The following RYR2 variants were observed in gnomAD, a reference collection of about 807,000 sequenced individuals.
RYR2 encodes cardiac muscle ryanodine receptor-calcium release channel.
RYR2 carries 227 observed loss-of-function variants against 601.1 expected under a neutral mutation model. The ratio of observed to expected loss-of-function variants is 0.38; its 90% CI spans 0.34 to 0.42. RYR2 has a LOEUF of 0.42. RYR2 is among the 10% of genes least tolerant of loss of function. The probability of loss-of-function intolerance (pLI) is 1.00; values close to 1 mark genes in which losing one functional copy is unlikely to be tolerated. For synonymous variants in RYR2, 2,223 were observed against 2,175.1 expected, an observed-to-expected ratio of 1.02 and a Z score of -0.61; for missense variants, 4,646 against 6,156.5, an observed-to-expected ratio of 0.75 and a Z score of 8.21.
chr1:237,421,215 G>T (rs550320809), intron 11 of RYR2, among the ~76,000 whole-genome samples: 1 of 152,086 alleles, frequency 6.6e-6, no homozygotes, highest in African/African-American at 2.4e-5. Flanking sequence ...CTCCAGCCTG[G>T]GTGACAGAGC....
intron 2 of RYR2, among the ~76,000 whole-genome samples, chr1:237,328,529 G>A (rs1255950148): frequency 6.6e-6 from 1 of 152,048 alleles, no homozygotes; most frequent in Non-Finnish European, 1.5e-5. Context: ...GAGCAGGAAT[G>A]GAAAGTGATT....
chr1:237,589,858 A>G lies in RYR2; in HGVS notation c.3664A>G (p.Ser1222Gly). 6.2e-7 allele frequency: 1 copy of G among 1,613,882 alleles called. No homozygotes were observed. Among genetic ancestry groups the G allele is most frequent in the Non-Finnish European group, 8.5e-7 (1 of 1,179,876 alleles). Residue 1222 changes from serine (S) to glycine (G), a missense_variant, in exon 30 of 105, where the codon AGC becomes GGC. Ser to Gly is a moderately conservative substitution (Grantham distance 56). This residue lies in a region of RYR2 where 1,807 missense variants were observed against 2,088.1 expected (regional missense o/e 0.87). Transcript: ENST00000366574. ...TAGGATGAACTTTGGAAAGGATGTC[A>G]GCACCTTGAAATATTTCACCATCTG... ...VGRMNFGKDV[S>G]TLKYFTICGL...
chr1:237,045,051 T>C (rs1660406902), intron 1 of RYR2, among the ~76,000 whole-genome samples: 1 of 151,930 alleles, frequency 6.6e-6, no homozygotes. Flanking sequence ...TTGATAGTGA[T>C]GGATGAAGCT....
At chr1:237,742,215 C>T (rs1691668571) in intron 79 of RYR2, 81 bp from the exon 80 acceptor site, 1 of 870,886 alleles carries the variant, frequency 1.1e-6, no homozygotes, top group Non-Finnish European at 1.8e-6. Context: ...ATGATTTGCT[C>T]TTCTATGTCT....
At chr1:237,593,689 A>G in intron 33 of RYR2, 53 bp downstream of exon 33, 2 of 1,556,118 alleles carry the variant, frequency 1.3e-6, no homozygotes, top group Admixed American at 1.7e-5. Flanking sequence ...AATATTGGTG[A>G]ACCTAGCTAT....
chr1:237,351,854 C>CAAAAA lies in RYR2; in HGVS notation c.274-4091_274-4087dup, dbSNP rs33955032. Reference sequence around the variant, plus strand: ...ATCCTAAACTATGACAAAGACCATGCAAAAAAAAAAAAAAAAAAAAAAAAG... The same window carrying CAAAAA: ...ATCCTAAACTATGACAAAGACCATGCAAAAAAAAAAAAAAAAAAAAAAAAAAAAAG... On this transcript the variant is annotated intron_variant, in intron 3 of 104. Transcript: ENST00000366574. Among the ~76,000 whole-genome samples, 268 of 39,480 alleles carry CAAAAA rather than the reference C, an allele frequency of 6.8e-3. 1 individual carries two copies. Among genetic ancestry groups the CAAAAA allele is most frequent in the South Asian group, 0.011 (7 of 612 alleles). 25.9% of individuals were successfully genotyped at this position (39,480 alleles called of 152,430 possible).
chr1:237,088,137 C>T (rs1211669962), intron 1 of RYR2, among the ~76,000 whole-genome samples: 1 of 152,086 alleles, frequency 6.6e-6, no homozygotes, highest in Non-Finnish European at 1.5e-5. Flanking sequence ...CATGATACTC[C>T]TTGACTGTAC....
rs1558107315 is a variant in RYR2, at chr1:237,634,944, G to A, written c.6744G>A (p.Met2248Ile). Residue 2248 changes from methionine to isoleucine, a missense_variant, in exon 44 of 105, where the codon ATG becomes ATA. Transcript: ENST00000366574. ...TGGATGTGGCTGCAGCTTCGGTGAT[G>A]GATAATAATGAACTAGCATTAGCTC... ...TPLDVAAASV[M>I]DNNELALALR... 1 of 1,609,164 alleles carries A rather than the reference G, an allele frequency of 6.2e-7. No homozygotes were observed. The highest frequency in any genetic ancestry group is 1.1e-5 in the South Asian group (1 of 89,518).
chr1:237,053,288 T>A (rs1661516196), intron 1 of RYR2, among the ~76,000 whole-genome samples: 2 of 152,158 alleles, frequency 1.3e-5, no homozygotes. Context: ...CGACGAAACG[T>A]CAGGAGAACA....
chr1:237,536,043 A>G (rs757174308), intron 25 of RYR2, among the ~76,000 whole-genome samples: 1 of 152,196 alleles, frequency 6.6e-6, no homozygotes, highest in African/African-American at 2.4e-5. Context: ...GATGTATTCA[A>G]TAAGGCCAGT....
intron 1 of RYR2, among the ~76,000 whole-genome samples, chr1:237,189,808 G>A (rs567881477): frequency 2.4e-4 from 37 of 152,032 alleles, no homozygotes; most frequent in Non-Finnish European, 5.0e-4. Flanking sequence ...CGTAAAAATG[G>A]GATTGCTAGA....
At chr1:237,438,520 A>C (rs1707609684) in intron 12 of RYR2, among the ~76,000 whole-genome samples, 1 of 152,184 alleles carries the variant, frequency 6.6e-6, no homozygotes. Context: ...GGAGTTGCTT[A>C]TATTTTTACT....
chr1:237,237,896 C>CCCTTTCCTTTTT (rs1206192821), intron 1 of RYR2, among the ~76,000 whole-genome samples: 15 of 150,772 alleles, frequency 9.9e-5, no homozygotes, highest in Admixed American at 9.9e-4. Flanking sequence ...CTCTCCCCTC[C>CCCTTTCCTTTTT]CCTTTCCTTT....
chr1:237,807,544 G>A (rs908163146), intron 99 of RYR2, among the ~76,000 whole-genome samples: 8 of 152,110 alleles, frequency 5.3e-5, no homozygotes, highest in Admixed American at 1.3e-4. Context: ...TAGAGATGGG[G>A]TTTCACCATG....
At chr1:237,073,225 G>C (rs1007349115) in intron 1 of RYR2, among the ~76,000 whole-genome samples, 1 of 152,184 alleles carries the variant, frequency 6.6e-6, no homozygotes, top group Non-Finnish European at 1.5e-5. Flanking sequence ...GGTGGGTGTT[G>C]AGAATACAGA....
chr1:237,262,304 A>G (rs896601329), intron 1 of RYR2, among the ~76,000 whole-genome samples: 2 of 121,246 alleles, frequency 1.6e-5, no homozygotes, highest in Non-Finnish European at 3.2e-5. Flanking sequence ...CGCCCAGGCC[A>G]GAGTGCAATG....
At chr1:237,399,613 T>C (rs61219233) in intron 10 of RYR2, among the ~76,000 whole-genome samples, 2,108 of 152,310 alleles carry the variant, frequency 0.014, 57 homozygotes, top group African/African-American at 0.049. Context: ...AGTTCGCAAG[T>C]GCACACAGAA....
rs1199657338 is a variant in RYR2 at position 237,784,127 on chromosome 1, A to G, written c.12415A>G (p.Met4139Val). 1.1e-5 allele frequency: 18 copies of G among 1,613,996 alleles called. No individual in the cohort carries two copies. Among genetic ancestry groups the G allele is most frequent in the Non-Finnish European group, 1.4e-5 (16 of 1,179,892 alleles). The change falls in exon 90 of 105, where the codon ATG (methionine) becomes GTG (valine). Residue 4139 changes from methionine to valine, a missense_variant. Met to Val is a conservative substitution (Grantham distance 21). This residue lies in a region of RYR2 where 70 missense variants were observed against 164.6 expected (regional missense o/e 0.43). Transcript: ENST00000366574. This position sits in a 1 kb window ranked among gnomAD's most constrained non-coding sequence, Gnocchi z 7.1. ...GCCCTTTCTGGGCCGCATCGAAATC[A>G]TGGGAAGCGCCAAACGCATCGAGAG... ...FQPFLGRIEIMGSAKRIERVY... is the reference protein window; with the variant it reads ...FQPFLGRIEIVGSAKRIERVY...
intron 63 of RYR2, among the ~76,000 whole-genome samples, chr1:237,697,637 C>A (rs1182975877): frequency 2.7e-5 from 4 of 147,484 alleles, no homozygotes; most frequent in Non-Finnish European, 5.9e-5. Context: ...TATCTATATC[C>A]CCCTTTAAAA....
Sources: allele counts gnomAD v4.1 joint callset (sites outside exome capture counted in the v4.1 genomes callset), GRCh38; gene constraint gnomAD v4.1.1; regional missense constraint gnomAD v4.1.1; non-coding constraint Gnocchi (gnomAD v3.1); transcripts MANE v1.5; gene names NCBI Gene and HGNC (gene_info 2026-07-23, HGNC 2026-07-21).